The following MAP3K4 variants were observed in gnomAD, a reference collection of about 807,000 sequenced individuals.
MAP3K4 encodes MAP three kinase 1.
In MAP3K4, 67 loss-of-function variants were observed where a neutral mutation model predicts 185.6. That is an observed-to-expected ratio of 0.36 (90% CI 0.30 to 0.44). The LOEUF is 0.44. Among genes scored for constraint, MAP3K4 ranks in the 20% least tolerant of loss-of-function variants. The probability of loss-of-function intolerance (pLI) is 1.00; values close to 1 mark genes in which losing one functional copy is unlikely to be tolerated. For missense variants in MAP3K4, 1,551 were observed against 1,995.1 expected (o/e 0.78, Z 4.24); for synonymous variants, 702 against 710.4 (o/e 0.99, Z 0.19).
chr6:161,018,098 C>G (rs1049385494), intron 1 of MAP3K4, among the ~76,000 whole-genome samples: 6 of 152,278 alleles, frequency 3.9e-5, no homozygotes, highest in Admixed American at 2.0e-4. Flanking sequence ...GCCTGGAAAC[C>G]TATTCCAGAC....
At chr6:161,058,894 A>G (rs192762727) in intron 3 of MAP3K4, among the ~76,000 whole-genome samples, 177 of 152,248 alleles carry the variant, frequency 1.2e-3, no homozygotes, top group African/African-American at 4.1e-3. Context: ...TGTGTAAACA[A>G]TGTAGCCACA....
chr6:160,998,810 C>T (rs1430804084), intron 1 of MAP3K4, among the ~76,000 whole-genome samples: 28 of 152,216 alleles, frequency 1.8e-4, no homozygotes, highest in Admixed American at 1.8e-3. Flanking sequence ...TTAAAAGATA[C>T]ATTATTCCAC....
At chr6:161,002,050 G>GTTT (rs77347524) in intron 1 of MAP3K4, among the ~76,000 whole-genome samples, 67 of 112,390 alleles carry the variant, frequency 6.0e-4, no homozygotes, top group African/African-American at 1.8e-3. Context: ...TAAGAAAAAG[G>GTTT]TTTTTTTTTT....
intron 2 of MAP3K4, among the ~76,000 whole-genome samples, chr6:161,047,076 C>G (rs1489594238): frequency 7.0e-6 from 1 of 142,572 alleles, no homozygotes; most frequent in Non-Finnish European, 1.5e-5. Flanking sequence ...TTAAAGAGAT[C>G]TTTTATACTT....
rs1042247598 is a variant in MAP3K4 at position 161,086,054 on chromosome 6, G to A, written c.2373-325G>A. Among the ~76,000 whole-genome samples the A allele has an allele frequency of 1.3e-5, 2 of 152,080 alleles. No individual in the cohort carries two copies. The highest frequency in any genetic ancestry group is 6.5e-5 in the Admixed American group (1 of 15,276). On this transcript the variant is annotated intron_variant, in intron 7 of 26. Transcript: ENST00000392142. This position sits in a 1 kb window ranked among gnomAD's most constrained non-coding sequence, Gnocchi z 4.8. The stretch of plus-strand genomic sequence containing the variant: ...CTGTATAGATTTCTTTTTAGATTAC[G>A]AGCCAGGAGTTAAGAACTTAACCTT...
rs1785752323 is a variant in MAP3K4, at chr6:161,086,972, A to G, written c.2556+305A>G. ...AAGGAGATAATATTCATTTTAAATT[A>G]TGGTTTTGTTTTTCACCCTTATATT... On this transcript the variant is annotated intron_variant, in intron 9 of 26. Transcript: ENST00000392142. This position sits in a 1 kb window ranked among gnomAD's most constrained non-coding sequence, Gnocchi z 4.8. Among the ~76,000 whole-genome samples, 1 of 152,228 alleles carries G rather than the reference A, an allele frequency of 6.6e-6. No homozygotes were observed. The highest frequency in any genetic ancestry group is 1.5e-5 in the Non-Finnish European group (1 of 68,038).
In MAP3K4 at chr6:161,117,001, C is replaced by T. The variant is rs753549369; in HGVS notation, c.*131C>T. ...GACTGAAGACTGCACAGGTGACAAG[C>T]GTCACTTCTCCTGCTGCTCCTGTTT... On this transcript the variant is annotated 3_prime_UTR_variant, in exon 27 of 27. Transcript: ENST00000392142. The T allele has an allele frequency of 6.9e-5, 55 of 796,170 alleles. No individual in the cohort carries two copies. In the Middle Eastern group the frequency reaches 7.0e-4, roughly 10 times the overall value. The allele number at this position is 796,170 out of a possible 1,614,324, so 49.3% of individuals were successfully genotyped here. A position where few individuals can be genotyped will look rare whatever the true frequency, so the allele number is the denominator to read the frequency against.
chr6:161,090,528 C>G (rs941715834), intron 11 of MAP3K4, among the ~76,000 whole-genome samples: 1 of 147,726 alleles, frequency 6.8e-6, no homozygotes, highest in Admixed American at 6.7e-5. Flanking sequence ...GGCTGTCCTG[C>G]GCATTGTAGG....
At position 161,087,222 on chromosome 6, in the gene MAP3K4, A is replaced by G. The variant is rs1179973559; in HGVS notation, c.2557-466A>G. Among the ~76,000 whole-genome samples, 1 of 152,170 alleles carries G rather than the reference A, an allele frequency of 6.6e-6. No homozygotes were observed. Among genetic ancestry groups the G allele is most frequent in the Non-Finnish European group, 1.5e-5 (1 of 68,034 alleles). On this transcript the variant is annotated intron_variant, in intron 9 of 26. Coordinates refer to ENST00000392142, the MANE Select transcript of MAP3K4 (RefSeq NM_005922.4). The surrounding 1 kb of genome is among the most constrained non-coding windows in gnomAD (Gnocchi z 4.9). ...GAGGGATGACCTGCAGCGTGCCACCACATGTGTACCCTTTGAGAAACTGAT... is the reference window on the plus strand; with the variant it reads ...GAGGGATGACCTGCAGCGTGCCACCGCATGTGTACCCTTTGAGAAACTGAT...
Position 161,034,381 on chromosome 6 carries a change from T to G in MAP3K4, c.275T>G (p.Met92Arg), listed in dbSNP as rs780296189. The G allele has an allele frequency of 2.3e-5, 37 of 1,613,768 alleles. No individual in the cohort carries two copies. The highest frequency in any genetic ancestry group is 3.1e-5 in the Non-Finnish European group (37 of 1,179,876). Residue 92 changes from methionine to arginine, a missense_variant, in exon 2 of 27, where the codon ATG (methionine) becomes AGG (arginine). Physicochemically the swap from Met to Arg is moderately conservative, Grantham distance 91. Transcript: ENST00000392142. The surrounding 1 kb of genome is among the most constrained non-coding windows in gnomAD (Gnocchi z 4.4). ...TCTCCCCCCAGCACACCTCGACAGA[T>G]GAAACGCATGTCAACCAAACATCAG... The part of the protein sequence containing the change: ...GTSPPSTPRQ[M>R]KRMSTKHQRN...
At position 161,091,002 on chromosome 6, in the gene MAP3K4, C is replaced by T. The variant is rs761638790; in HGVS notation, c.2974-377C>T. Among the ~76,000 whole-genome samples, 1 of 152,130 alleles carries T rather than the reference C, an allele frequency of 6.6e-6. No homozygotes were observed. Among genetic ancestry groups the T allele is most frequent in the East Asian group, 1.9e-4 (1 of 5,192 alleles). On this transcript the variant is annotated intron_variant, in intron 11 of 26. Coordinates refer to ENST00000392142, the MANE Select transcript of MAP3K4 (RefSeq NM_005922.4). The surrounding 1 kb of genome is among the most constrained non-coding windows in gnomAD (Gnocchi z 5.5). ...GAGTAGCAGGGAAATGAGGACAGCA[C>T]GATCGGAGGAGGTCATCTAGAAGTA...
rs952126577 is a variant in MAP3K4 at position 161,100,056 on chromosome 6, CTGTG to C, written c.3674+1636_3674+1639del. Reference sequence around the variant, plus strand: ...GGATTCCCGTTTACTTTATGACCGTCTGTGTGTGTGAGATGGTAGGTAGAGAAGA... The same window carrying C: ...GGATTCCCGTTTACTTTATGACCGTCTGTGTGAGATGGTAGGTAGAGAAGA... On this transcript the variant is annotated intron_variant, in intron 17 of 26. Coordinates refer to ENST00000392142, the MANE Select transcript of MAP3K4 (RefSeq NM_005922.4). The surrounding 1 kb of genome is among the most constrained non-coding windows in gnomAD (Gnocchi z 5.8). Among the ~76,000 whole-genome samples, 1 of 152,188 alleles carries C rather than the reference CTGTG, an allele frequency of 6.6e-6. No individual in the cohort carries two copies.
Position 161,048,990 on chromosome 6 carries a change from A to G in MAP3K4, c.718A>G (p.Lys240Glu), listed in dbSNP as rs1394033814. 1 of 1,614,108 alleles carries G rather than the reference A, an allele frequency of 6.2e-7. No individual in the cohort carries two copies. ...RLLLKLTSVS[K>E]KKDREQRGQE... Reference sequence around the variant, plus strand: ...TTTGCTAAAGCTTACCTCAGTCTCAAAGAAAAAAGACAGGGAGCAAAGAGG... The same window carrying G: ...TTTGCTAAAGCTTACCTCAGTCTCAGAGAAAAAAGACAGGGAGCAAAGAGG... Residue 240 changes from lysine to glutamate, a missense_variant, in exon 3 of 27, where the codon AAG (lysine) becomes GAG (glutamate). This residue lies in a region of MAP3K4 where 69 missense variants were observed against 124.8 expected (regional missense o/e 0.55). Coordinates refer to ENST00000392142, the MANE Select transcript of MAP3K4 (RefSeq NM_005922.4). The surrounding 1 kb of genome is among the most constrained non-coding windows in gnomAD (Gnocchi z 4.7).
Position 161,048,398 on chromosome 6 carries a change from C to T in MAP3K4, c.344-218C>T, listed in dbSNP as rs1783837396. 1.6e-6 allele frequency: 1 copy of T among 616,404 alleles called. No individual in the cohort carries two copies. Among genetic ancestry groups the T allele is most frequent in the South Asian group, 1.8e-5 (1 of 55,006 alleles). 38.2% of individuals were successfully genotyped at this position (616,404 alleles called of 1,614,324 possible). On this transcript the variant is annotated intron_variant, in intron 2 of 26. Coordinates refer to ENST00000392142, the MANE Select transcript of MAP3K4 (RefSeq NM_005922.4). The surrounding 1 kb of genome is among the most constrained non-coding windows in gnomAD (Gnocchi z 4.7). ...AATTAGTTGTGAATATAAGAGAATA[C>T]AGCAAATACTGGAAAAATGGATAAT...
At chr6:160,994,631 G>A (rs1382188959) in intron 1 of MAP3K4, among the ~76,000 whole-genome samples, 1 of 152,144 alleles carries the variant, frequency 6.6e-6, no homozygotes, top group Non-Finnish European at 1.5e-5. Flanking sequence ...ATGATTAGTT[G>A]TTTTCCTTTG....
chr6:160,991,780 C>G lies in MAP3K4; in HGVS notation c.-152C>G, dbSNP rs564395695. 71 of 846,698 alleles carry G rather than the reference C, an allele frequency of 8.4e-5. No homozygotes were observed. Among genetic ancestry groups the G allele is most frequent in the Non-Finnish European group, 1.1e-4 (64 of 608,172 alleles). 52.4% of individuals were successfully genotyped at this position (846,698 alleles called of 1,614,324 possible). A position where few individuals can be genotyped will look rare whatever the true frequency, so the allele number is the denominator to read the frequency against. ...ACCGTAGCCCCGGCGCTCGGCCGGT[C>G]GCCGTTTCCAAGATGGCCGCGGCGC... On this transcript the variant is annotated 5_prime_UTR_variant, in exon 1 of 27. Transcript: ENST00000392142. This position sits in a 1 kb window ranked among gnomAD's most constrained non-coding sequence, Gnocchi z 5.7.
intron 2 of MAP3K4, among the ~76,000 whole-genome samples, chr6:161,038,454 C>T (rs1783285370): frequency 6.6e-6 from 1 of 152,126 alleles, no homozygotes; most frequent in African/African-American, 2.4e-5. Flanking sequence ...AAAAAGCTGT[C>T]CAAGGAAATG....
At position 161,084,474 on chromosome 6, in the gene MAP3K4, G is replaced by GTTTTAT. The variant is rs939097251; in HGVS notation, c.2256-16_2256-11dup. The GTTTTAT allele has an allele frequency of 2.7e-6, 3 of 1,103,366 alleles. No individual in the cohort carries two copies. Among genetic ancestry groups the GTTTTAT allele is most frequent in the Non-Finnish European group, 4.2e-6 (3 of 715,078 alleles). 68.3% of individuals were successfully genotyped at this position (1,103,366 alleles called of 1,614,324 possible). A position where few individuals can be genotyped will look rare whatever the true frequency, so the allele number is the denominator to read the frequency against. ...ATGAGTAGGGACAGTTTTCTTCTCT[G>GTTTTAT]TTTTATTTTTATTTTTGTTCCCTTA... On this transcript the variant is annotated intron_variant, in intron 6 of 26. Coordinates refer to ENST00000392142, the MANE Select transcript of MAP3K4 (RefSeq NM_005922.4). This position sits in a 1 kb window ranked among gnomAD's most constrained non-coding sequence, Gnocchi z 4.6.
chr6:161,069,904 A>G (rs1784863155), intron 3 of MAP3K4, among the ~76,000 whole-genome samples: 2 of 151,634 alleles, frequency 1.3e-5, no homozygotes, highest in South Asian at 2.1e-4. Flanking sequence ...GAGCAGAGAG[A>G]GTGCTCCCAA....
Sources: allele counts gnomAD v4.1 joint callset (sites outside exome capture counted in the v4.1 genomes callset), GRCh38; gene constraint gnomAD v4.1.1; regional missense constraint gnomAD v4.1.1; non-coding constraint Gnocchi (gnomAD v3.1); transcripts MANE v1.5; gene names NCBI Gene and HGNC (gene_info 2026-07-23, HGNC 2026-07-21).